The following ARHGEF33 variants were observed in gnomAD, a reference collection of about 807,000 sequenced individuals.
The protein encoded by ARHGEF33 is Rho guanine nucleotide exchange factor 33.
A neutral mutation model predicts 101.9 loss-of-function variants in ARHGEF33; 72 were observed. The observed-to-expected ratio is 0.71, with a 90% CI of 0.58 to 0.86. ARHGEF33 has a LOEUF of 0.86. Among genes scored for constraint, ARHGEF33 ranks in the 40% least tolerant of loss-of-function variants. ARHGEF33 has a pLI of 0.00. For synonymous variants in ARHGEF33, 499 were observed against 442.5 expected, an observed-to-expected ratio of 1.13 and a Z score of -1.60; for missense variants, 1,169 against 1,111.3, an observed-to-expected ratio of 1.05 and a Z score of -0.74.
intron 9 of ARHGEF33, among the ~76,000 whole-genome samples, chr2:38,942,325 C>T (rs1022773430): frequency 6.6e-6 from 1 of 151,794 alleles, no homozygotes; most frequent in African/African-American, 2.4e-5. Context: ...CACCACTATG[C>T]CCAGCTAACT....
intron 2 of ARHGEF33, among the ~76,000 whole-genome samples, chr2:38,918,727 T>C (rs1666689906): frequency 6.6e-6 from 1 of 152,166 alleles, no homozygotes; most frequent in Admixed American, 6.5e-5. Context: ...TCATATCTGC[T>C]TAAGTTTTTT....
chr2:38,945,535 A>T (rs1044832957), intron 10 of ARHGEF33, among the ~76,000 whole-genome samples: 2 of 152,200 alleles, frequency 1.3e-5, no homozygotes, highest in African/African-American at 2.4e-5. Context: ...TGGCCCTTCC[A>T]GTTCCCCCTC....
chr2:38,964,778 G>A (rs1249924064), intron 16 of ARHGEF33, among the ~76,000 whole-genome samples: 1 of 152,050 alleles, frequency 6.6e-6, no homozygotes, highest in African/African-American at 2.4e-5. Flanking sequence ...GGGAGTTGGG[G>A]AACCCTCCCT....
intron 10 of ARHGEF33, among the ~76,000 whole-genome samples, chr2:38,949,057 A>T (rs1667524011): frequency 6.6e-6 from 1 of 152,050 alleles, no homozygotes; most frequent in South Asian, 2.1e-4. Flanking sequence ...ATATCCTTTC[A>T]TAGGGGGCTA....
At chr2:38,920,109 C>G (rs10181808) in intron 3 of ARHGEF33, among the ~76,000 whole-genome samples, 108,876 of 152,094 alleles carry the variant, frequency 0.72, 39,167 homozygotes, top group East Asian at 0.9. Flanking sequence ...TATTATTTAT[C>G]GACTTAAATA....
rs570018858 is a variant in ARHGEF33 at position 38,891,951 on chromosome 2, A to G, written c.-159+1965A>G. Among the ~76,000 whole-genome samples the G allele has an allele frequency of 3.9e-4, 59 of 152,344 alleles. 1 individual carries two copies. In the South Asian group the frequency reaches 0.012, roughly 31 times the overall value. The stretch of plus-strand genomic sequence containing the variant: ...GAAACAAATCATAAATGCTAATATT[A>G]CAGAGAGCACTCTTCTGATTGGTAT... On this transcript the variant is annotated intron_variant, in intron 1 of 17. Coordinates refer to ENST00000409978, the MANE Select transcript of ARHGEF33 (RefSeq NM_001145451.5).
At chr2:38,951,478 A>G (rs1228019945) in intron 11 of ARHGEF33, among the ~76,000 whole-genome samples, 1 of 152,088 alleles carries the variant, frequency 6.6e-6, no homozygotes, top group Non-Finnish European at 1.5e-5. Flanking sequence ...ATGTATATAT[A>G]TTTGTGGGCC....
chr2:38,960,534 C>G lies in ARHGEF33; in HGVS notation c.2229C>G (p.Ala743=). Residue 743 remains alanine, a synonymous_variant, in exon 16 of 18, where the codon GCC becomes GCG. Transcript: ENST00000409978. ...GGRAPIKAER[A]AQAHGPAAAA... is the part of the protein sequence containing the mutation. The stretch of plus-strand genomic sequence containing the variant: ...GCGCGCCCATCAAGGCCGAGCGCGC[C>G]GCGCAGGCGCACGGCCCGGCCGCCG... The G allele has an allele frequency of 8.0e-7, 1 of 1,250,092 alleles. No individual in the cohort carries two copies. The highest frequency in any genetic ancestry group is 1.0e-6 in the Non-Finnish European group (1 of 995,332). The allele number at this position is 1,250,092 out of a possible 1,614,324, so 77.4% of individuals were successfully genotyped here.
At position 38,960,212 on chromosome 2, in the gene ARHGEF33, C is replaced by G. The variant is rs747183325; in HGVS notation, c.1907C>G (p.Ala636Gly). The G allele has an allele frequency of 6.5e-7, 1 of 1,546,728 alleles. No homozygotes were observed. The highest frequency in any genetic ancestry group is 2.5e-5 in the East Asian group (1 of 40,808). The change falls in exon 16 of 18, where the codon GCT becomes GGT. Residue 636 changes from alanine (A) to glycine (G), a missense_variant. Transcript: ENST00000409978. ...PAPYDEEPFQ[A>G]PALFENCSPA... is the part of the protein sequence containing the mutation. ...CCCTACGACGAGGAGCCGTTCCAGG[C>G]TCCGGCCCTCTTCGAGAACTGCTCG...
rs1431175932 is a variant in ARHGEF33 at position 38,937,457 on chromosome 2, G to T, written c.688G>T (p.Gly230Cys). The change falls in exon 9 of 18, where the codon GGT (glycine) becomes TGT (cysteine). Residue 230 changes from glycine to cysteine, a missense_variant. Coordinates refer to ENST00000409978, the MANE Select transcript of ARHGEF33 (RefSeq NM_001145451.5). ...GCAGCCTAAGGATGGTAAAGAATGGGGTGAAGAATACGTCACAAAAGACCA... is the reference window on the plus strand; with the variant it reads ...GCAGCCTAAGGATGGTAAAGAATGGTGTGAAGAATACGTCACAAAAGACCA... ...WRQPKDGKEW[G>C]EEYVTKDHPD... 6.5e-7 allele frequency: 1 copy of T among 1,550,194 alleles called. No homozygotes were observed. Among genetic ancestry groups the T allele is most frequent in the African/African-American group, 1.4e-5 (1 of 73,036 alleles).
chr2:38,950,449 TTTTATTTA>T (rs1023182618), intron 10 of ARHGEF33, among the ~76,000 whole-genome samples: 6 of 152,188 alleles, frequency 3.9e-5, no homozygotes, highest in African/African-American at 1.4e-4. Context: ...TTTATTTGTA[TTTTATTTA>T]TTTATTTATT....
At chr2:38,949,620 CT>C in intron 10 of ARHGEF33, among the ~76,000 whole-genome samples, 1 of 152,276 alleles carries the variant, frequency 6.6e-6, no homozygotes, top group African/African-American at 2.4e-5. Context: ...AGAAAAAGTG[CT>C]TTGTAAAATT....
intron 3 of ARHGEF33, 113 bp downstream of exon 3, chr2:38,919,585 C>G (rs1403432561): frequency 4.6e-6 from 5 of 1,095,594 alleles, no homozygotes; most frequent in Admixed American, 2.0e-5. Flanking sequence ...TTTCATTTCC[C>G]TATCATCATA....
Position 38,919,167 on chromosome 2 carries a change from G to GA in ARHGEF33, c.-85-194dup, listed in dbSNP as rs201834132. On this transcript the variant is annotated intron_variant, in intron 2 of 17. Coordinates refer to ENST00000409978, the MANE Select transcript of ARHGEF33 (RefSeq NM_001145451.5). ...CATTTTGAAAAACTACCCTAAATTTGAATAATGAATTTCATATGTATTCAC... is the reference window on the plus strand; with the variant it reads ...CATTTTGAAAAACTACCCTAAATTTGAAATAATGAATTTCATATGTATTCAC... Among the ~76,000 whole-genome samples, 986 of 152,180 alleles carry GA rather than the reference G, an allele frequency of 6.5e-3. 10 individuals carry two copies. The highest frequency in any genetic ancestry group is 0.025 in the Admixed American group (377 of 15,292).
At chr2:38,936,068 T>C (rs390008) in intron 8 of ARHGEF33, among the ~76,000 whole-genome samples, 70,400 of 151,974 alleles carry the variant, frequency 0.46, 18,070 homozygotes, top group African/African-American at 0.69. Flanking sequence ...ATGTTTCATT[T>C]TTTCTGGCTT....
At chr2:38,921,807 C>CA (rs1413408689) in intron 4 of ARHGEF33, among the ~76,000 whole-genome samples, 1 of 152,204 alleles carries the variant, frequency 6.6e-6, no homozygotes. Flanking sequence ...CTTCTCTTGC[C>CA]TGCTGCCCCC....
In ARHGEF33 at chr2:38,973,929, T is replaced by TAG; in HGVS notation, c.*87_*88insGA. 1 of 816,390 alleles carries TAG rather than the reference T, an allele frequency of 1.2e-6. No homozygotes were observed. The highest frequency in any genetic ancestry group is 1.8e-5 in the African/African-American group (1 of 54,146). 50.6% of individuals were successfully genotyped at this position (816,390 alleles called of 1,614,324 possible). ...GTGTAGGAATATATATATATATCTA[T>TAG]ATCTATATATATATATATATCGATG... On this transcript the variant is annotated 3_prime_UTR_variant, in exon 18 of 18. Transcript: ENST00000409978.
At position 38,924,096 on chromosome 2, in the gene ARHGEF33, AT is replaced by A. The variant is rs1395713198; in HGVS notation, c.75+2674del. ...AAGTAGTTCATGAAGGTCAATAAAA[AT>A]GGAAACTTCTAAAACCCTAGTAGAA... On this transcript the variant is annotated intron_variant, in intron 4 of 17. Transcript: ENST00000409978. Among the ~76,000 whole-genome samples the A allele has an allele frequency of 1.3e-4, 20 of 152,352 alleles. 1 individual carries two copies. The South Asian group carries it at 4.1e-3, about 32-fold the overall frequency.
At chr2:38,910,361 A>G (rs766532381) in intron 2 of ARHGEF33, among the ~76,000 whole-genome samples, 6 of 152,230 alleles carry the variant, frequency 3.9e-5, no homozygotes, top group East Asian at 1.9e-4. Context: ...GCCTGAGCTC[A>G]GGAGTTCAAG....
Sources: allele counts gnomAD v4.1 joint callset (sites outside exome capture counted in the v4.1 genomes callset), GRCh38; gene constraint gnomAD v4.1.1; transcripts MANE v1.5; gene names NCBI Gene and HGNC (gene_info 2026-07-23, HGNC 2026-07-21).